Variants in PIBF1 observed in about 807,000 individuals in gnomAD.
PIBF1 encodes the protein progesterone-induced-blocking factor 1.
A neutral mutation model predicts 112.5 loss-of-function variants in PIBF1; 90 were observed. The observed-to-expected ratio is 0.80, with a 90% CI of 0.67 to 0.95. PIBF1 has a LOEUF of 0.95. Among genes scored for constraint, PIBF1 ranks in the 40% least tolerant of loss-of-function variants. PIBF1 has a pLI of 0.00. For missense variants in PIBF1, 915 were observed against 852.3 expected (o/e 1.07, Z -0.92); for synonymous variants, 301 against 288.6 (o/e 1.04, Z -0.44).
chr13:72,831,221 G>A (rs772336665), intron 8 of PIBF1, among the ~76,000 whole-genome samples: 4 of 151,802 alleles, frequency 2.6e-5, no homozygotes, highest in Non-Finnish European at 5.9e-5. Flanking sequence ...AACAGCTCCT[G>A]GATTCATTGA....
At chr13:72,792,067 G>A (rs894543925) in intron 2 of PIBF1, among the ~76,000 whole-genome samples, 2 of 152,024 alleles carry the variant, frequency 1.3e-5, no homozygotes. Context: ...AGGGCAAGGT[G>A]GACTGATCAC....
chr13:72,955,951 T>G (rs970999763), intron 14 of PIBF1, among the ~76,000 whole-genome samples: 35 of 152,224 alleles, frequency 2.3e-4, no homozygotes, highest in African/African-American at 8.0e-4. Flanking sequence ...GATTGCTTTG[T>G]GGCCAAATTT....
intron 10 of PIBF1, among the ~76,000 whole-genome samples, chr13:72,878,152 A>T (rs919429423): frequency 1.2e-4 from 18 of 151,122 alleles, no homozygotes; most frequent in Admixed American, 1.3e-4. Flanking sequence ...TTTAGATTTC[A>T]TTGGTTTTTA....
intron 17 of PIBF1, among the ~76,000 whole-genome samples, chr13:73,004,781 T>C (rs1206065753): frequency 1.3e-5 from 2 of 152,198 alleles, no homozygotes; most frequent in Non-Finnish European, 2.9e-5. Context: ...GGATTTATTG[T>C]TTAACAAGTA....
At chr13:72,855,205 C>G (rs2038360776) in intron 10 of PIBF1, among the ~76,000 whole-genome samples, 1 of 152,042 alleles carries the variant, frequency 6.6e-6, no homozygotes, top group African/African-American at 2.4e-5. Flanking sequence ...ATACATAAAA[C>G]TAAAATTTGA....
At chr13:72,972,474 G>C (rs1418743283) in intron 15 of PIBF1, among the ~76,000 whole-genome samples, 1 of 152,128 alleles carries the variant, frequency 6.6e-6, no homozygotes, top group Non-Finnish European at 1.5e-5. Context: ...GACCAGCCTG[G>C]CCAGCATGGT....
intron 9 of PIBF1, among the ~76,000 whole-genome samples, chr13:72,842,281 C>T (rs1345328051): frequency 6.6e-6 from 1 of 152,096 alleles, no homozygotes; most frequent in Non-Finnish European, 1.5e-5. Context: ...CTGAGTGGTG[C>T]TCTACAAAAG....
At chr13:72,877,671 T>G (rs994009886) in intron 10 of PIBF1, among the ~76,000 whole-genome samples, 13 of 152,186 alleles carry the variant, frequency 8.5e-5, no homozygotes, top group Admixed American at 7.9e-4. Flanking sequence ...GAGCACAGAG[T>G]TGTTCATAGT....
intron 10 of PIBF1, among the ~76,000 whole-genome samples, chr13:72,892,825 C>CACACACACACACACA (rs2040112843): frequency 6.6e-6 from 1 of 151,768 alleles, no homozygotes; most frequent in Non-Finnish European, 1.5e-5. Flanking sequence ...CGCACACACA[C>CACACACACACACACA]CCCTCTATAC....
At chr13:72,994,242 A>G (rs945311584) in intron 16 of PIBF1, among the ~76,000 whole-genome samples, 2 of 152,324 alleles carry the variant, frequency 1.3e-5, no homozygotes, top group Non-Finnish European at 2.9e-5. Flanking sequence ...TTCAGTCTTA[A>G]AAGCAGTCAG....
In PIBF1 at chr13:72,959,986, A is replaced by G. The variant is rs1050607983; in HGVS notation, c.1834-5288A>G. ...GTACAGAAAGATTTTTGAAAACTCT[A>G]TTGAAGGAATTAAATTCTAATAAAT... On this transcript the variant is annotated intron_variant, in intron 14 of 17. Coordinates refer to ENST00000326291, the MANE Select transcript of PIBF1 (RefSeq NM_006346.4). Among the ~76,000 whole-genome samples, 4 of 152,298 alleles carry G rather than the reference A, an allele frequency of 2.6e-5. No homozygotes were observed. The East Asian group carries it at 5.8e-4, about 22-fold the overall frequency.
intron 14 of PIBF1, among the ~76,000 whole-genome samples, chr13:72,951,431 A>G (rs1277973118): frequency 6.6e-6 from 1 of 152,206 alleles, no homozygotes; most frequent in African/African-American, 2.4e-5. Context: ...TTCCAAATAA[A>G]GCAACTTTCA....
intron 10 of PIBF1, among the ~76,000 whole-genome samples, chr13:72,875,358 T>C (rs762300063): frequency 1.3e-5 from 2 of 152,224 alleles, no homozygotes; most frequent in African/African-American, 4.8e-5. Flanking sequence ...AAATCTGCTA[T>C]AAACATCCTT....
At position 72,963,091 on chromosome 13, in the gene PIBF1, A is replaced by C. The variant is rs1011070236; in HGVS notation, c.1834-2183A>C. On this transcript the variant is annotated intron_variant, in intron 14 of 17. Transcript: ENST00000326291. ...AAAACTGAGTATCTACATGCAAAAGAATGAAGTTGGACCCTTACCTTACAC... is the reference window on the plus strand; with the variant it reads ...AAAACTGAGTATCTACATGCAAAAGCATGAAGTTGGACCCTTACCTTACAC... 2.0e-5 allele frequency among the ~76,000 whole-genome samples: 3 copies of C among 152,274 alleles called. No homozygotes were observed. In the East Asian group the frequency reaches 5.8e-4, roughly 29 times the overall value.
At chr13:73,001,160 G>A (rs2043853115) in intron 17 of PIBF1, among the ~76,000 whole-genome samples, 1 of 152,098 alleles carries the variant, frequency 6.6e-6, no homozygotes, top group African/African-American at 2.4e-5. Context: ...AATTAAGTGG[G>A]AGGTTATAAT....
chr13:72,822,585 A>G (rs991690175), intron 6 of PIBF1, among the ~76,000 whole-genome samples: 7 of 152,220 alleles, frequency 4.6e-5, no homozygotes, highest in Non-Finnish European at 8.8e-5. Flanking sequence ...TCAAATAAAT[A>G]TGAAAGCCTT....
intron 9 of PIBF1, among the ~76,000 whole-genome samples, chr13:72,853,674 A>G (rs1175935619): frequency 1.3e-5 from 2 of 152,182 alleles, no homozygotes; most frequent in African/African-American, 4.8e-5. Context: ...TCTCCACAAT[A>G]TATCTTTCAC....
At chr13:72,818,678 C>CTT (rs3077726) in intron 5 of PIBF1, among the ~76,000 whole-genome samples, 24,164 of 79,834 alleles carry the variant, frequency 0.3, 5,893 homozygotes, top group Admixed American at 0.41. Flanking sequence ...CAGTCTTAAA[C>CTT]TTTTTTTTTT....
chr13:72,973,951 C>A, intron 16 of PIBF1: 1 of 408,786 alleles, frequency 2.4e-6, no homozygotes, highest in Non-Finnish European at 4.3e-6. Flanking sequence ...TGCAACTAGA[C>A]AGTTAATTTC....
Sources: gnomAD v4.1 joint callset for allele counts (sites outside exome capture counted in the v4.1 genomes callset) on GRCh38, gnomAD v4.1.1 for gene constraint, MANE v1.5 for transcripts, NCBI Gene and HGNC (gene_info 2026-07-23, HGNC 2026-07-21) for gene names.